The following SSC4D variants were observed in gnomAD, a reference collection of about 807,000 sequenced individuals.
The protein encoded by SSC4D is scavenger receptor cysteine-rich domain-containing group B protein.
In SSC4D, 57 loss-of-function variants were observed where a neutral mutation model predicts 63.4. That is an observed-to-expected ratio of 0.90 (90% confidence interval 0.73 to 1.12). The LOEUF is 1.12. Ranked by LOEUF, SSC4D falls within the 50% of genes most tolerant of loss-of-function variation. SSC4D has a pLI of 0.00. For missense variants in SSC4D, 791 were observed against 806.4 expected (o/e 0.98, Z 0.23); for synonymous variants, 352 against 345.4 (o/e 1.02, Z -0.21).
At chr7:76,406,994 T>A (rs1805055987) in intron 1 of SSC4D, among the ~76,000 whole-genome samples, 2 of 152,176 alleles carry the variant, frequency 1.3e-5, no homozygotes, top group African/African-American at 2.4e-5. Flanking sequence ...AGAGCCTCCC[T>A]CTGTCACCCA....
intron 1 of SSC4D, among the ~76,000 whole-genome samples, chr7:76,409,103 C>T (rs925476658): frequency 6.6e-6 from 1 of 152,130 alleles, no homozygotes; most frequent in African/African-American, 2.4e-5. Context: ...GTTTCTCCAT[C>T]GAGACTGCAG....
chr7:76,407,299 C>G (rs1388099447), intron 1 of SSC4D, among the ~76,000 whole-genome samples: 1 of 151,896 alleles, frequency 6.6e-6, no homozygotes, highest in East Asian at 2.0e-4. Flanking sequence ...TGGCAGCTTA[C>G]TCCTGTGAGC....
rs1175248900 is a variant in SSC4D at position 76,392,041 on chromosome 7, C to G, written c.1334G>C (p.Gly445Ala). Reference protein sequence around the residue: ...HHEDAGALCAGPEELGLQVQQ... With the variant: ...HHEDAGALCAAPEELGLQVQQ... ...GACTTGCAGTCCCAGCTCCTCTGGG[C>G]CTGGTTCAGGAAGGACAGAGATAAA... The change falls in exon 10 of 11, where the codon GGC becomes GCC. Residue 445 changes from glycine (G) to alanine (A), a missense_variant and splice_region_variant. Transcript: ENST00000275560. 14 of 1,568,818 alleles carry G rather than the reference C, an allele frequency of 8.9e-6. No individual in the cohort carries two copies. In the East Asian group the frequency reaches 3.3e-4, roughly 37 times the overall value.
chr7:76,394,017 A>G, intron 7 of SSC4D, 113 bp from the exon 8 acceptor site: 1 of 1,045,342 alleles, frequency 9.6e-7, no homozygotes, highest in South Asian at 1.6e-5. Context: ...CCGTACCCCC[A>G]CTCAGCTGCA....
intron 10 of SSC4D, among the ~76,000 whole-genome samples, chr7:76,391,744 C>G (rs1311972604): frequency 6.6e-6 from 1 of 152,186 alleles, no homozygotes; most frequent in East Asian, 1.9e-4. Flanking sequence ...ATTCTGATCT[C>G]ACCTCTAGAA....
intron 10 of SSC4D, 122 bp from the exon 11 acceptor site, chr7:76,390,497 A>G (rs1225606906): frequency 1.2e-6 from 1 of 862,304 alleles, no homozygotes; most frequent in African/African-American, 1.7e-5. Context: ...GAGCCGCTAG[A>G]TGAAGGCAGA....
chr7:76,406,978 G>A (rs1289802791), intron 1 of SSC4D, among the ~76,000 whole-genome samples: 1 of 148,070 alleles, frequency 6.8e-6, no homozygotes, highest in African/African-American at 2.6e-5. Flanking sequence ...ATTTATTTTT[G>A]GAGACAGAGC....
chr7:76,404,558 G>A (rs1291463943), intron 1 of SSC4D, 53 bp from the exon 2 acceptor site: 12 of 1,468,896 alleles, frequency 8.2e-6, no homozygotes, highest in Admixed American at 3.5e-5. Context: ...TTGGGAGGCC[G>A]AGGTGGGAGG....
chr7:76,405,979 C>CTTTCCTTTCT (rs1805013976), intron 1 of SSC4D, among the ~76,000 whole-genome samples: 1 of 147,900 alleles, frequency 6.8e-6, no homozygotes. Context: ...CTTTCCTTTC[C>CTTTCCTTTCT]TTTCTTTTCT....
In SSC4D at chr7:76,397,712, ACAGCGGCATCCGG is replaced by A. The variant is rs757855676; in HGVS notation, c.661_673del (p.Pro221TrpfsTer196). 6.2e-7 allele frequency: 1 copy of A among 1,613,392 alleles called. No homozygotes were observed. Among genetic ancestry groups the A allele is most frequent in the Non-Finnish European group, 8.5e-7 (1 of 1,179,852 alleles). On this transcript the variant is annotated frameshift_variant, in exon 6 of 11. Coordinates refer to ENST00000275560, the MANE Select transcript of SSC4D (RefSeq NM_080744.2). LOFTEE classifies it high-confidence loss of function. Reference sequence around the variant, plus strand: ...CCCGCAGCCCAGCTGACGACAGACCACAGCGGCATCCGGCAGCCCCCAGTCGTCGTCACACACG... The same window carrying A: ...CCCGCAGCCCAGCTGACGACAGACCACAGCCCCCAGTCGTCGTCACACACG...
chr7:76,405,344 T>TTCTTTC (rs1457184960), intron 1 of SSC4D, among the ~76,000 whole-genome samples: 23 of 108,010 alleles, frequency 2.1e-4, no homozygotes, highest in South Asian at 1.0e-3. Context: ...TCTTTCTTTT[T>TTCTTTC]TTTTTTTTTT....
In SSC4D at chr7:76,393,562, GC is replaced by G; in HGVS notation, c.1175del (p.Gly392AlafsTer29). The G allele has an allele frequency of 6.6e-7, 1 of 1,517,416 alleles. No homozygotes were observed. Among genetic ancestry groups the G allele is most frequent in the Non-Finnish European group, 8.8e-7 (1 of 1,139,436 alleles). 94.0% of individuals were successfully genotyped at this position (1,517,416 alleles called of 1,614,324 possible). A position where few individuals can be genotyped will look rare whatever the true frequency, so the allele number is the denominator to read the frequency against. On this transcript the variant is annotated frameshift_variant, in exon 9 of 11. Transcript: ENST00000275560. LOFTEE classifies it high-confidence loss of function. ...CREAGCGPAL[G>X]ATGLGHFGYG... ...AGCCGAAGTGGCCCAGTCCCGTAGC[GC>G]CCAGCGCAGGCCCGCAGCCCGCTTC...
rs1804719566 is a variant in SSC4D, at chr7:76,398,714, A to C, written c.553+6T>G. ...CCCAGGTGGTGCCCACATTATGCTT[A>C]CGTACTTTTTCCATTCGGCAGTGTC... On this transcript the variant is annotated splice_donor_region_variant and intron_variant, in intron 5 of 10. Coordinates refer to ENST00000275560, the MANE Select transcript of SSC4D (RefSeq NM_080744.2). 1 of 1,612,658 alleles carries C rather than the reference A, an allele frequency of 6.2e-7. No homozygotes were observed. The highest frequency in any genetic ancestry group is 1.7e-5 in the Admixed American group (1 of 59,944).
At position 76,405,274 on chromosome 7, in the gene SSC4D, TA is replaced by T. The variant is rs1804963861; in HGVS notation, c.-66-770del. On this transcript the variant is annotated intron_variant, in intron 1 of 10. Transcript: ENST00000275560. ...GTGCATCACCACACCCAGCTAATTATATATATATATATATATATATATATAT... is the reference window on the plus strand; with the variant it reads ...GTGCATCACCACACCCAGCTAATTATTATATATATATATATATATATATAT... Among the ~76,000 whole-genome samples the T allele has an allele frequency of 2.7e-3, 57 of 21,246 alleles. 1 individual carries two copies. The highest frequency in any genetic ancestry group is 8.5e-3 in the Admixed American group (19 of 2,224). The allele number at this position is 21,246 out of a possible 152,430, so 13.9% of individuals were successfully genotyped here.
At chr7:76,395,727 T>C (rs776359720) in intron 6 of SSC4D, among the ~76,000 whole-genome samples, 1 of 152,196 alleles carries the variant, frequency 6.6e-6, no homozygotes, top group Non-Finnish European at 1.5e-5. Flanking sequence ...GTTTCGCTCT[T>C]GTTACCCAGG....
chr7:76,397,430 AC>A, intron 6 of SSC4D, 87 bp downstream of exon 6: 1 of 1,405,364 alleles, frequency 7.1e-7, no homozygotes, highest in Non-Finnish European at 9.3e-7. Flanking sequence ...CTCCCCATCC[AC>A]CTCCCCACCG....
At chr7:76,397,883 C>T (rs760490622) in intron 5 of SSC4D, 51 bp from the exon 6 acceptor site, 9 of 1,456,850 alleles carry the variant, frequency 6.2e-6, no homozygotes, top group Middle Eastern at 1.9e-4. Flanking sequence ...CCTCTGCCCC[C>T]GTCCGCACCG....
At chr7:76,394,439 C>T (rs932502427) in intron 7 of SSC4D, among the ~76,000 whole-genome samples, 85 of 147,984 alleles carry the variant, frequency 5.7e-4, no homozygotes, top group African/African-American at 1.9e-3. Flanking sequence ...TACAGAGTTT[C>T]GCTCTGTCTC....
At position 76,393,430 on chromosome 7, in the gene SSC4D, G is replaced by A. The variant is rs775088944; in HGVS notation, c.1308C>T (p.His436=). The part of the protein sequence containing the change: ...LGWGQHNCGH[H]EDAGALCAGP... Reference sequence around the variant, plus strand: ...CTGCGCAGAGCGCTCCCGCGTCCTCGTGGTGGCCGCAGTTGTGCTGGCCCC... The same window carrying A: ...CTGCGCAGAGCGCTCCCGCGTCCTCATGGTGGCCGCAGTTGTGCTGGCCCC... Residue 436 remains histidine (H), a synonymous_variant, in exon 9 of 11, where the codon CAC becomes CAT. Transcript: ENST00000275560. 1 of 1,503,228 alleles carries A rather than the reference G, an allele frequency of 6.7e-7. No homozygotes were observed. Among genetic ancestry groups the A allele is most frequent in the Non-Finnish European group, 8.8e-7 (1 of 1,131,416 alleles). The allele number at this position is 1,503,228 out of a possible 1,614,324, so 93.1% of individuals were successfully genotyped here.
Sources: allele counts gnomAD v4.1 joint callset (sites outside exome capture counted in the v4.1 genomes callset), GRCh38; gene constraint gnomAD v4.1.1; transcripts MANE v1.5; gene names NCBI Gene and HGNC (gene_info 2026-07-23, HGNC 2026-07-21).